SPAG1: variants seen among roughly 807,000 people sequenced by gnomAD.
SPAG1 encodes sperm associated antigen 1, also known as sperm-associated antigen 1.
Under a neutral mutation model 100.5 loss-of-function variants are expected in SPAG1, and 69 were observed. That is an observed-to-expected ratio of 0.69 (90% CI 0.57 to 0.84). The LOEUF is 0.84. Among genes scored for constraint, SPAG1 ranks in the 40% least tolerant of loss-of-function variants. SPAG1 has a pLI of 0.00. For missense variants in SPAG1, 955 were observed against 1,133.1 expected, an observed-to-expected ratio of 0.84 and a Z score of 2.26; for synonymous variants, 336 against 411.6, an observed-to-expected ratio of 0.82 and a Z score of 2.22.
chr8:100,190,238 G>A (rs913586543), intron 8 of SPAG1, among the ~76,000 whole-genome samples: 20 of 151,402 alleles, frequency 1.3e-4, no homozygotes, highest in African/African-American at 3.9e-4. Context: ...GCTTGAACCC[G>A]GGAGGCAGAG....
chr8:100,204,636 C>T (rs575046658), intron 10 of SPAG1, among the ~76,000 whole-genome samples: 1 of 152,114 alleles, frequency 6.6e-6, no homozygotes. Context: ...GGAAGGGATC[C>T]AAAGGCTTAG....
chr8:100,226,660 G>A (rs1818527791), intron 14 of SPAG1, among the ~76,000 whole-genome samples: 1 of 151,878 alleles, frequency 6.6e-6, no homozygotes, highest in Non-Finnish European at 1.5e-5. Context: ...CTGTGATGGT[G>A]TCACTGCACT....
At chr8:100,234,379 A>C (rs1322226099) in intron 16 of SPAG1, among the ~76,000 whole-genome samples, 1 of 152,082 alleles carries the variant, frequency 6.6e-6, no homozygotes, top group Non-Finnish European at 1.5e-5. Flanking sequence ...TAACATTTTC[A>C]TCTTTCTAGA....
intron 8 of SPAG1, among the ~76,000 whole-genome samples, chr8:100,188,827 C>T (rs1412035946): frequency 6.6e-6 from 1 of 152,194 alleles, no homozygotes; most frequent in Non-Finnish European, 1.5e-5. Context: ...AAGCCTGGTG[C>T]ATCACCTGCC....
intron 3 of SPAG1, among the ~76,000 whole-genome samples, chr8:100,176,451 C>T (rs994785320): frequency 4.0e-5 from 6 of 151,688 alleles, no homozygotes; most frequent in African/African-American, 7.3e-5. Context: ...CTACAACCTC[C>T]GCCTCCTGGG....
At chr8:100,169,580 T>C (rs1408845437) in intron 3 of SPAG1, among the ~76,000 whole-genome samples, 1 of 152,082 alleles carries the variant, frequency 6.6e-6, no homozygotes, top group Admixed American at 6.6e-5. Flanking sequence ...CTCTACTAAA[T>C]ACCAAAAATT....
intron 16 of SPAG1, among the ~76,000 whole-genome samples, chr8:100,237,836 G>A (rs910859945): frequency 4.6e-5 from 7 of 152,014 alleles, no homozygotes; most frequent in East Asian, 1.9e-4. Flanking sequence ...GAGACTTTCC[G>A]GATTCATGAA....
At chr8:100,200,763 T>G (rs1817242464) in intron 10 of SPAG1, among the ~76,000 whole-genome samples, 2 of 151,700 alleles carry the variant, frequency 1.3e-5, no homozygotes, top group Non-Finnish European at 2.9e-5. Flanking sequence ...AAGTGTCTGT[T>G]CATATCCTTT....
chr8:100,180,691 G>T (rs1816329901), intron 4 of SPAG1, among the ~76,000 whole-genome samples: 1 of 152,116 alleles, frequency 6.6e-6, no homozygotes, highest in Non-Finnish European at 1.5e-5. Context: ...CAGAAATTTG[G>T]CTATTATCTC....
Position 100,239,136 on chromosome 8 carries a change from T to C in SPAG1, c.2116-104T>C. ...GTAAGAGTGGTATTAATGTGGACCC[T>C]GCACACATACTGCACAGCTCACTAC... On this transcript the variant is annotated intron_variant, in intron 16 of 18. Transcript: ENST00000388798. This position sits in a 1 kb window ranked among gnomAD's most constrained non-coding sequence, Gnocchi z 5.0. The C allele has an allele frequency of 3.1e-6, 2 of 640,738 alleles. No homozygotes were observed. The highest frequency in any genetic ancestry group is 2.4e-5 in the South Asian group (1 of 41,922). The allele number at this position is 640,738 out of a possible 1,614,324, so 39.7% of individuals were successfully genotyped here. A position where few individuals can be genotyped will look rare whatever the true frequency, so the allele number is the denominator to read the frequency against.
rs148883126 is a variant in SPAG1, at chr8:100,239,389, A to T, written c.2265A>T (p.Lys755Asn). The T allele has an allele frequency of 1.3e-3, 2,103 of 1,603,100 alleles. 2 individuals are homozygous for T. Among genetic ancestry groups the T allele is most frequent in the Non-Finnish European group, 1.6e-3 (1,916 of 1,170,144 alleles). Reference protein sequence around the residue: ...APFNKEKERRKIEIQEVNEGK... With the variant: ...APFNKEKERRNIEIQEVNEGK... The stretch of plus-strand genomic sequence containing the variant: ...TCAACAAAGAAAAGGAGAGAAGGAA[A>T]ATTGAGATTCAAGAGGTATTTGTAT... The change falls in exon 17 of 19, where the codon AAA (lysine) becomes AAT (asparagine). Residue 755 changes from lysine to asparagine, a missense_variant. Physicochemically the swap from Lys to Asn is moderately conservative, Grantham distance 94. Coordinates refer to ENST00000388798, the MANE Select transcript of SPAG1 (RefSeq NM_003114.5). The surrounding 1 kb of genome is among the most constrained non-coding windows in gnomAD (Gnocchi z 5.0).
rs147397869 is a variant in SPAG1 at position 100,207,289 on chromosome 8, A to G, written c.1097-5801A>G. ...GGTTCTGAAGGCACAAATAAGTTAC[A>G]TGAGGAGGTGGCTCAAATGCCCATG... On this transcript the variant is annotated intron_variant, in intron 10 of 18. Transcript: ENST00000388798. 2.1e-3 allele frequency among the ~76,000 whole-genome samples: 327 copies of G among 152,296 alleles called. 4 individuals are homozygous for G. Among genetic ancestry groups the G allele is most frequent in the Admixed American group, 0.014 (209 of 15,296 alleles).
intron 10 of SPAG1, among the ~76,000 whole-genome samples, chr8:100,211,177 A>T (rs953022026): frequency 1.3e-5 from 2 of 152,078 alleles, no homozygotes; most frequent in Admixed American, 1.3e-4. Flanking sequence ...GGATAAGGCC[A>T]CTTCTCTGAT....
At position 100,239,538 on chromosome 8, in the gene SPAG1, C is replaced by G. The variant is rs1295043050; in HGVS notation, c.2280+134C>G. The G allele has an allele frequency of 3.1e-6, 2 of 643,782 alleles. No individual in the cohort carries two copies. Among genetic ancestry groups the G allele is most frequent in the Non-Finnish European group, 5.5e-6 (2 of 366,610 alleles). 39.9% of individuals were successfully genotyped at this position (643,782 alleles called of 1,614,324 possible). A position where few individuals can be genotyped will look rare whatever the true frequency, so the allele number is the denominator to read the frequency against. ...CTGATGATCAGTGACAAAATTTTAA[C>G]CAGCAACAAAATGTCTCCTTTGCAA... On this transcript the variant is annotated intron_variant, in intron 17 of 18. Coordinates refer to ENST00000388798, the MANE Select transcript of SPAG1 (RefSeq NM_003114.5). This position sits in a 1 kb window ranked among gnomAD's most constrained non-coding sequence, Gnocchi z 5.0.
intron 10 of SPAG1, among the ~76,000 whole-genome samples, chr8:100,210,626 G>T (rs1333402572): frequency 1.3e-5 from 2 of 151,928 alleles, no homozygotes; most frequent in Non-Finnish European, 2.9e-5. Context: ...CATCCTTTAA[G>T]TGTTAGTATA....
At chr8:100,158,938 TTTCTCCCC>T (rs1720242628) in intron 1 of SPAG1, 1 of 151,288 alleles carries the variant, frequency 6.6e-6, no homozygotes, top group African/African-American at 2.4e-5. Flanking sequence ...CGTTGTACTC[TTTCTCCCC>T]TTCTCACTAC....
intron 10 of SPAG1, among the ~76,000 whole-genome samples, chr8:100,201,557 C>T (rs1278354675): frequency 6.6e-6 from 1 of 152,082 alleles, no homozygotes; most frequent in African/African-American, 2.4e-5. Flanking sequence ...GTGTGTATAT[C>T]CATATATATA....
intron 9 of SPAG1, 71 bp downstream of exon 9, chr8:100,191,567 C>A: frequency 1.9e-6 from 2 of 1,033,790 alleles, no homozygotes; most frequent in Non-Finnish European, 3.0e-6. Flanking sequence ...AAAGTGGTAT[C>A]AATCTTGCCA....
intron 6 of SPAG1, among the ~76,000 whole-genome samples, chr8:100,184,285 G>A (rs1043752022): frequency 2.0e-5 from 3 of 151,950 alleles, no homozygotes; most frequent in Non-Finnish European, 4.4e-5. Flanking sequence ...TTTTCTTACT[G>A]TAATTCATTT....
Sources: allele counts gnomAD v4.1 joint callset (sites outside exome capture counted in the v4.1 genomes callset), GRCh38; gene constraint gnomAD v4.1.1; non-coding constraint Gnocchi (gnomAD v3.1); transcripts MANE v1.5; gene names NCBI Gene and HGNC (gene_info 2026-07-23, HGNC 2026-07-21).